Variants in HPSE2 observed in about 807,000 individuals in gnomAD.
The protein encoded by HPSE2 is inactive heparanase-2.
In HPSE2, 38 loss-of-function variants were observed where a neutral mutation model predicts 60.5. The ratio of observed to expected loss-of-function variants is 0.63; its 90% CI spans 0.48 to 0.82. The LOEUF (loss-of-function observed/expected upper bound fraction) is 0.82, where lower values mean the gene tolerates loss of function less well. Ranked by LOEUF, HPSE2 falls within the 40% of genes least tolerant of loss-of-function variation. The pLI is 0.00. For synonymous variants in HPSE2, 295 were observed against 293.2 expected, an observed-to-expected ratio of 1.01 and a Z score of -0.06; for missense variants, 713 against 740.4, an observed-to-expected ratio of 0.96 and a Z score of 0.43.
chr10:99,102,513 C>T (rs1844047230), intron 3 of HPSE2, among the ~76,000 whole-genome samples: 1 of 152,096 alleles, frequency 6.6e-6, no homozygotes, highest in Non-Finnish European at 1.5e-5. Context: ...CAAAAAAAGG[C>T]CAGGACCAGA....
intron 3 of HPSE2, among the ~76,000 whole-genome samples, chr10:98,938,505 T>C (rs1371125087): frequency 7.0e-6 from 1 of 143,030 alleles, no homozygotes; most frequent in African/African-American, 2.9e-5. Context: ...GAAGATGAAA[T>C]GAATGAAATG....
rs199709563 is a variant in HPSE2 at position 98,864,412 on chromosome 10, T to C, written c.611-120356A>G. Among the ~76,000 whole-genome samples, 10 of 152,242 alleles carry C rather than the reference T, an allele frequency of 6.6e-5. No individual in the cohort carries two copies. The East Asian group carries it at 1.9e-3, about 29-fold the overall frequency. On this transcript the variant is annotated intron_variant, in intron 3 of 11. Coordinates refer to ENST00000370552, the MANE Select transcript of HPSE2 (RefSeq NM_021828.5). ...TACCTAAGTTTTCTCACACACACAC[T>C]CCACCAAGTACCAATTTTTCACCAA... is the stretch of plus-strand genomic sequence containing the variant.
At chr10:98,818,106 A>G (rs1301984541) in intron 3 of HPSE2, among the ~76,000 whole-genome samples, 1 of 152,216 alleles carries the variant, frequency 6.6e-6, no homozygotes, top group Non-Finnish European at 1.5e-5. Flanking sequence ...TTTGGTTGAA[A>G]AAATCCACAT....
intron 3 of HPSE2, among the ~76,000 whole-genome samples, chr10:98,862,988 T>C (rs927326859): frequency 5.3e-5 from 8 of 152,146 alleles, no homozygotes; most frequent in African/African-American, 1.9e-4. Flanking sequence ...TGTCTCAAAC[T>C]CATTGGCTCA....
At chr10:98,747,782 T>C (rs1323812652) in intron 3 of HPSE2, among the ~76,000 whole-genome samples, 1 of 152,204 alleles carries the variant, frequency 6.6e-6, no homozygotes, top group Non-Finnish European at 1.5e-5. Context: ...TGGGATTTAC[T>C]TCTTGATTTA....
chr10:98,991,184 T>C (rs115144455), intron 3 of HPSE2, among the ~76,000 whole-genome samples: 2,064 of 152,236 alleles, frequency 0.014, 39 homozygotes, highest in African/African-American at 0.046. Context: ...GTTCCTTACA[T>C]TCAAAGAAGA....
chr10:98,870,360 G>A (rs954023435), intron 3 of HPSE2, among the ~76,000 whole-genome samples: 3 of 152,176 alleles, frequency 2.0e-5, no homozygotes, highest in African/African-American at 7.2e-5. Flanking sequence ...CAGCAGCCAA[G>A]GCTAAAGCCA....
intron 3 of HPSE2, among the ~76,000 whole-genome samples, chr10:98,866,400 A>T (rs1269652189): frequency 6.6e-6 from 1 of 152,120 alleles, no homozygotes; most frequent in Non-Finnish European, 1.5e-5. Context: ...CCTAACATAG[A>T]GATAATTGGT....
Position 99,018,658 on chromosome 10 carries a change from T to G in HPSE2, c.610+125580A>C, listed in dbSNP as rs1957195181. 6.6e-5 allele frequency among the ~76,000 whole-genome samples: 10 copies of G among 152,320 alleles called. No individual in the cohort carries two copies. In the South Asian group the frequency reaches 2.1e-3, roughly 32 times the overall value. ...AAAATTAAGGGCCAAATTACCAATC[T>G]GTTTTAAATGATGGTCTGGGAATGC... On this transcript the variant is annotated intron_variant, in intron 3 of 11. Transcript: ENST00000370552.
intron 2 of HPSE2, among the ~76,000 whole-genome samples, chr10:99,164,230 TA>T (rs1846966915): frequency 0.012 from 6 of 488 alleles, no homozygotes; most frequent in Admixed American, 0.025. Context: ...TCAAGCATTA[TA>T]TATATATATA....
At chr10:98,461,334 T>C (rs974950259) in intron 11 of HPSE2, among the ~76,000 whole-genome samples, 2 of 152,218 alleles carry the variant, frequency 1.3e-5, no homozygotes, top group African/African-American at 2.4e-5. Context: ...TTTGCTAGAA[T>C]GACTGAGTGA....
chr10:99,130,682 A>ACCATT (rs1845347754), intron 3 of HPSE2, among the ~76,000 whole-genome samples: 1 of 152,184 alleles, frequency 6.6e-6, no homozygotes. Context: ...AAGTAGTCAA[A>ACCATT]AAGTTAAAAG....
At chr10:99,182,957 C>CCACA (rs1041821047) in intron 2 of HPSE2, among the ~76,000 whole-genome samples, 1 of 151,562 alleles carries the variant, frequency 6.6e-6, no homozygotes, top group African/African-American at 2.4e-5. Context: ...GATCACGCCA[C>CCACA]CACACACACA....
intron 3 of HPSE2, among the ~76,000 whole-genome samples, chr10:99,132,232 AGAGAGAGAG>A (rs1845462493): frequency 1.9e-5 from 1 of 53,032 alleles, no homozygotes; most frequent in African/African-American, 3.7e-5. Flanking sequence ...AGAGAGAGAG[AGAGAGAGAG>A]AGAAAGAAAG....
At chr10:98,981,220 ACT>A (rs372252647) in intron 3 of HPSE2, among the ~76,000 whole-genome samples, 32 of 152,216 alleles carry the variant, frequency 2.1e-4, no homozygotes, top group African/African-American at 7.5e-4. Flanking sequence ...TGCCTGAGCT[ACT>A]CTGTTTTCTT....
chr10:98,739,701 T>C (rs886629047), intron 4 of HPSE2, among the ~76,000 whole-genome samples: 2 of 152,146 alleles, frequency 1.3e-5, no homozygotes, highest in Admixed American at 1.3e-4. Context: ...CATGTGAATG[T>C]ATATAGGTCA....
At chr10:98,918,174 A>C (rs1954175753) in intron 3 of HPSE2, among the ~76,000 whole-genome samples, 1 of 152,198 alleles carries the variant, frequency 6.6e-6, no homozygotes, top group Non-Finnish European at 1.5e-5. Context: ...ATTTAAACTG[A>C]GTTTTCTTAC....
At chr10:98,629,932 G>A (rs368379548) in intron 7 of HPSE2, among the ~76,000 whole-genome samples, 10 of 152,276 alleles carry the variant, frequency 6.6e-5, no homozygotes, top group African/African-American at 2.2e-4. Context: ...AAAAAGCTAA[G>A]GAGCTAGTAA....
intron 3 of HPSE2, among the ~76,000 whole-genome samples, chr10:98,893,346 C>A (rs983396304): frequency 6.6e-6 from 1 of 152,122 alleles, no homozygotes; most frequent in Non-Finnish European, 1.5e-5. Flanking sequence ...GGATTACAGG[C>A]GTTGAGCCAC....
Sources: gnomAD v4.1 joint callset for allele counts (sites outside exome capture counted in the v4.1 genomes callset) on GRCh38, gnomAD v4.1.1 for gene constraint, MANE v1.5 for transcripts, NCBI Gene and HGNC (gene_info 2026-07-23, HGNC 2026-07-21) for gene names.